Variants in EPCAM observed in about 807,000 individuals in gnomAD.
EPCAM encodes adenocarcinoma-associated antigen.
EPCAM carries 39 observed loss-of-function variants against 40.0 expected under a neutral mutation model. That is an observed-to-expected ratio of 0.98 (90% CI 0.76 to 1.27). The LOEUF is 1.27. Among genes scored for constraint, EPCAM ranks in the 50% most tolerant of loss-of-function variants. The pLI is 0.00. For missense variants in EPCAM, 503 were observed against 381.2 expected (o/e 1.32, Z -2.66); for synonymous variants, 168 against 132.3 (o/e 1.27, Z -1.85).
chr2:47,372,376 G>A (rs188900741), intron 1 of EPCAM, among the ~76,000 whole-genome samples: 19 of 152,090 alleles, frequency 1.2e-4, no homozygotes, highest in African/African-American at 4.6e-4. Context: ...GGTGGCTCAC[G>A]TCTGTAATCC....
At position 47,379,109 on chromosome 2, in the gene EPCAM, A is replaced by G. The variant is rs909345729; in HGVS notation, c.657+55A>G. On this transcript the variant is annotated intron_variant, in intron 6 of 8. Transcript: ENST00000263735. Reference sequence around the variant, plus strand: ...CAGGAATGTAGTCTATCATGCCTCAATGAATTAAATATATTTCATCACCTT... The same window carrying G: ...CAGGAATGTAGTCTATCATGCCTCAGTGAATTAAATATATTTCATCACCTT... 99 of 927,616 alleles carry G rather than the reference A, an allele frequency of 1.1e-4. No individual in the cohort carries two copies. In the Admixed American group the frequency reaches 1.6e-3, roughly 15 times the overall value. The allele number at this position is 927,616 out of a possible 1,614,324, so 57.5% of individuals were successfully genotyped here.
At chr2:47,372,061 C>T (rs1307319869) in intron 1 of EPCAM, among the ~76,000 whole-genome samples, 1 of 152,070 alleles carries the variant, frequency 6.6e-6, no homozygotes, top group African/African-American at 2.4e-5. Flanking sequence ...TTGTTAAGGA[C>T]AAAACTATTA....
rs1426962140 is a variant in EPCAM at position 47,369,446 on chromosome 2, G to T, written c.-60G>T. On this transcript the variant is annotated 5_prime_UTR_variant, in exon 1 of 9. Transcript: ENST00000263735. The stretch of plus-strand genomic sequence containing the variant: ...CGGCTCCTCGTGTCCCACTCCCGGC[G>T]CACGCCCTCCCGCGAGTCCCGGGCC... The T allele has an allele frequency of 1.5e-6, 2 of 1,357,318 alleles. No homozygotes were observed. Among genetic ancestry groups the T allele is most frequent in the African/African-American group, 1.6e-5 (1 of 64,050 alleles). 84.1% of individuals were successfully genotyped at this position (1,357,318 alleles called of 1,614,324 possible).
chr2:47,381,993 C>G (rs79411522), intron 7 of EPCAM, among the ~76,000 whole-genome samples: 1 of 152,030 alleles, frequency 6.6e-6, no homozygotes, highest in Non-Finnish European at 1.5e-5. Context: ...GGCTTGAACT[C>G]CTAGGCTCAA....
intron 1 of EPCAM, chr2:47,369,858 T>G: frequency 1.8e-6 from 1 of 570,006 alleles, no homozygotes. Context: ...GGGAACGGAG[T>G]GGCCACGTCC....
chr2:47,380,653 G>C (rs1558439020), intron 7 of EPCAM, among the ~76,000 whole-genome samples: 3 of 152,170 alleles, frequency 2.0e-5, no homozygotes, highest in Non-Finnish European at 2.9e-5. Context: ...CCATACAAAA[G>C]AGTTAAAAGT....
intron 7 of EPCAM, 141 bp from the exon 8 acceptor site, chr2:47,385,025 A>T: frequency 2.8e-6 from 2 of 708,484 alleles, no homozygotes; most frequent in South Asian, 3.0e-5. Flanking sequence ...TAATTTAAGA[A>T]GCAATAAATG....
At chr2:47,373,204 T>TA (rs1671321809) in intron 1 of EPCAM, among the ~76,000 whole-genome samples, 1 of 66,016 alleles carries the variant, frequency 1.5e-5, no homozygotes, top group African/African-American at 6.4e-5. Flanking sequence ...GACCCTATCT[T>TA]TAAAAAAAAA....
rs115283528 is a variant in EPCAM, at chr2:47,379,942, A to G, written c.831A>G (p.Ile277Met). 2,661 of 1,613,570 alleles carry G rather than the reference A, an allele frequency of 1.6e-3. 7 individuals carry two copies. In the Middle Eastern group the frequency reaches 0.021, roughly 13 times the overall value. ...GVIAVIVVVV[I>M]AVVAGIVVLV... Reference sequence around the variant, plus strand: ...TTGCTGTTATTGTGGTTGTGGTGATAGCAGTTGTTGCTGGAATTGTTGTGC... The same window carrying G: ...TTGCTGTTATTGTGGTTGTGGTGATGGCAGTTGTTGCTGGAATTGTTGTGC... The change falls in exon 7 of 9, where the codon ATA becomes ATG. Residue 277 changes from isoleucine (I) to methionine (M), a missense_variant. Ile to Met is a conservative substitution (Grantham distance 10). Coordinates refer to ENST00000263735, the MANE Select transcript of EPCAM (RefSeq NM_002354.3).
At chr2:47,369,640 C>G (rs757063495) in intron 1 of EPCAM, 59 bp downstream of exon 1, 1 of 1,506,866 alleles carries the variant, frequency 6.6e-7, no homozygotes, top group East Asian at 2.4e-5. Context: ...GCAGCGGCCC[C>G]CGGCCCTCGG....
rs773336656 is a variant in EPCAM at position 47,369,486 on chromosome 2, C to T, written c.-20C>T. ...AGTCCCGGGCCCCTCCCGCGCCCCT[C>T]TTCTCGGCGCGCGCGCAGCATGGCG... On this transcript the variant is annotated 5_prime_UTR_variant, in exon 1 of 9. Transcript: ENST00000263735. 6.6e-5 allele frequency: 101 copies of T among 1,522,626 alleles called. No individual in the cohort carries two copies. Among genetic ancestry groups the T allele is most frequent in the South Asian group, 4.4e-4 (36 of 81,682 alleles). 94.3% of individuals were successfully genotyped at this position (1,522,626 alleles called of 1,614,324 possible). A position where few individuals can be genotyped will look rare whatever the true frequency, so the allele number is the denominator to read the frequency against.
chr2:47,383,671 G>A (rs1159864233), intron 7 of EPCAM, among the ~76,000 whole-genome samples: 1 of 98,888 alleles, frequency 1.0e-5, no homozygotes, highest in Non-Finnish European at 1.9e-5. Context: ...GTCTTGCTCT[G>A]TTGCCCAGGC....
chr2:47,380,650 A>G (rs1186632604), intron 7 of EPCAM, among the ~76,000 whole-genome samples: 1 of 152,240 alleles, frequency 6.6e-6, no homozygotes, highest in African/African-American at 2.4e-5. Context: ...TAGCCATACA[A>G]AAGAGTTAAA....
chr2:47,381,387 C>T (rs867474338), intron 7 of EPCAM, among the ~76,000 whole-genome samples: 8 of 114,336 alleles, frequency 7.0e-5, no homozygotes, highest in South Asian at 5.9e-4. Flanking sequence ...AGTGAAACTC[C>T]GTCTCAAAAA....
At chr2:47,370,211 T>C (rs1307368395) in intron 1 of EPCAM, among the ~76,000 whole-genome samples, 2 of 152,322 alleles carry the variant, frequency 1.3e-5, no homozygotes, top group East Asian at 1.9e-4. Context: ...TAAAAACATA[T>C]AATCCCAGCA....
intron 5 of EPCAM, 89 bp from the exon 6 acceptor site, chr2:47,378,864 A>C (rs1423150615): frequency 2.8e-6 from 2 of 725,634 alleles, no homozygotes; most frequent in East Asian, 5.4e-5. Flanking sequence ...AAAATCAAAC[A>C]CTGAATATTC....
rs754801864 is a variant in EPCAM at position 47,369,358 on chromosome 2, G to T, written c.-148G>T. On this transcript the variant is annotated 5_prime_UTR_variant, in exon 1 of 9. Transcript: ENST00000263735. ...AGCGAGCACCTTCGACGCGGTCCGGGGACCCCCTCGTCGCTGTCCTCCCGA... is the reference window on the plus strand; with the variant it reads ...AGCGAGCACCTTCGACGCGGTCCGGTGACCCCCTCGTCGCTGTCCTCCCGA... 1.5e-4 allele frequency: 178 copies of T among 1,213,994 alleles called. No individual in the cohort carries two copies. The highest frequency in any genetic ancestry group is 1.8e-4 in the Non-Finnish European group (167 of 928,272). The allele number at this position is 1,213,994 out of a possible 1,614,324, so 75.2% of individuals were successfully genotyped here.
intron 4 of EPCAM, among the ~76,000 whole-genome samples, chr2:47,375,707 A>ATT (rs35742854): frequency 0.018 from 2,529 of 143,556 alleles, 69 homozygotes; most frequent in African/African-American, 0.053. Context: ...TTTAGGAAAA[A>ATT]TTTTTTTTTT....
chr2:47,370,555 G>A (rs549837271), intron 1 of EPCAM, among the ~76,000 whole-genome samples: 78 of 150,650 alleles, frequency 5.2e-4, no homozygotes, highest in African/African-American at 1.8e-3. Flanking sequence ...GATTACAGGC[G>A]TGAGCCACCG....
Sources: allele counts gnomAD v4.1 joint callset (sites outside exome capture counted in the v4.1 genomes callset), GRCh38; gene constraint gnomAD v4.1.1; transcripts MANE v1.5; gene names NCBI Gene and HGNC (gene_info 2026-07-23, HGNC 2026-07-21).